TMC1: variants seen among roughly 807,000 people sequenced by gnomAD.
The protein encoded by TMC1 is transmembrane channel-like protein 1.
In TMC1, 84 loss-of-function variants were observed where a neutral mutation model predicts 105.8. The ratio of observed to expected loss-of-function variants is 0.79; its 90% CI spans 0.67 to 0.95. The LOEUF (loss-of-function observed/expected upper bound fraction) is 0.95, where lower values mean the gene tolerates loss of function less well. Among genes scored for constraint, TMC1 ranks in the 40% least tolerant of loss-of-function variants. The pLI, the probability that TMC1 is intolerant of heterozygous loss-of-function variation, is 0.00. For missense variants in TMC1, 817 were observed against 914.1 expected (o/e 0.89, Z 1.37); for synonymous variants, 315 against 311.5 (o/e 1.01, Z -0.12).
At chr9:72,636,524 C>A (rs962463846) in intron 4 of TMC1, among the ~76,000 whole-genome samples, 2 of 151,890 alleles carry the variant, frequency 1.3e-5, no homozygotes, top group African/African-American at 4.8e-5. Flanking sequence ...TGGTGAAACC[C>A]ACATGGTGAA....
At chr9:72,763,541 G>A (rs949920587) in intron 12 of TMC1, among the ~76,000 whole-genome samples, 1 of 152,342 alleles carries the variant, frequency 6.6e-6, no homozygotes, top group Middle Eastern at 3.4e-3. Flanking sequence ...CTCTGAGAAA[G>A]TAATGTTCAA....
intron 5 of TMC1, among the ~76,000 whole-genome samples, chr9:72,681,427 T>C (rs1826284460): frequency 6.6e-6 from 1 of 152,046 alleles, no homozygotes; most frequent in Non-Finnish European, 1.5e-5. Flanking sequence ...CCAAACCACA[T>C]AGAGTAAGAG....
intron 8 of TMC1, among the ~76,000 whole-genome samples, chr9:72,714,226 A>C (rs1826883282): frequency 6.6e-6 from 1 of 152,176 alleles, no homozygotes; most frequent in African/African-American, 2.4e-5. Context: ...GGTGCTGAGA[A>C]GAGTGTATAT....
chr9:72,647,673 C>G (rs1316771118), intron 4 of TMC1, among the ~76,000 whole-genome samples: 1 of 152,138 alleles, frequency 6.6e-6, no homozygotes, highest in African/African-American at 2.4e-5. Flanking sequence ...TCCATACTGC[C>G]TTGGCTATGT....
intron 2 of TMC1, among the ~76,000 whole-genome samples, chr9:72,612,574 G>A (rs12351893): frequency 0.3 from 46,141 of 151,860 alleles, 7,570 homozygotes; most frequent in African/African-American, 0.41. Context: ...ATCTCAGTGA[G>A]AAAACAGCCA....
chr9:72,736,868 C>T (rs1023077936), intron 8 of TMC1, among the ~76,000 whole-genome samples: 15 of 152,090 alleles, frequency 9.9e-5, no homozygotes, highest in Non-Finnish European at 7.3e-5. Flanking sequence ...GCACACAATA[C>T]CTAGAAATAT....
intron 12 of TMC1, among the ~76,000 whole-genome samples, chr9:72,765,549 G>A (rs1827816169): frequency 6.6e-6 from 1 of 151,064 alleles, no homozygotes; most frequent in African/African-American, 2.4e-5. Flanking sequence ...GGAGGCATGA[G>A]ATAGTGCTAT....
intron 1 of TMC1, among the ~76,000 whole-genome samples, chr9:72,546,054 G>A (rs1473175418): frequency 2.0e-5 from 3 of 151,638 alleles, no homozygotes; most frequent in African/African-American, 7.3e-5. Context: ...AGGCCGAGGT[G>A]GATGGATCAC....
chr9:72,761,540 G>A (rs1219643111), intron 12 of TMC1, among the ~76,000 whole-genome samples: 3 of 152,162 alleles, frequency 2.0e-5, no homozygotes, highest in Non-Finnish European at 2.9e-5. Context: ...ATGGGCAGGA[G>A]AGGAGACTTA....
At chr9:72,579,530 CT>C (rs2132097620) in intron 2 of TMC1, among the ~76,000 whole-genome samples, 1 of 152,296 alleles carries the variant, frequency 6.6e-6, no homozygotes, top group South Asian at 2.1e-4. Context: ...ACCGCTTTAG[CT>C]TCTAGACACA....
chr9:72,607,615 CAAAAAA>C (rs1156416280), intron 2 of TMC1, among the ~76,000 whole-genome samples: 2 of 55,150 alleles, frequency 3.6e-5, no homozygotes, highest in Admixed American at 2.2e-4. Flanking sequence ...GAGTCTGCCT[CAAAAAA>C]AAAAAAAAAA....
In TMC1 at chr9:72,807,893, A is replaced by C. The variant is rs532166261; in HGVS notation, c.1695+2383A>C. Among the ~76,000 whole-genome samples the C allele has an allele frequency of 3.9e-5, 6 of 152,200 alleles. No individual in the cohort carries two copies. The East Asian group carries it at 1.2e-3, about 29-fold the overall frequency. The stretch of plus-strand genomic sequence containing the variant: ...AATGGCTCAGGTCTCTCAGAACCAC[A>C]CTGGTGCTGACTCCATCACCAGCTT... On this transcript the variant is annotated intron_variant, in intron 18 of 23. Coordinates refer to ENST00000297784, the MANE Select transcript of TMC1 (RefSeq NM_138691.3).
intron 23 of TMC1, 36 bp from the exon 24 acceptor site, chr9:72,835,912 CTTG>C: frequency 1.4e-6 from 2 of 1,436,372 alleles, no homozygotes. Context: ...TCTCTCTCTC[CTTG>C]TTTTTTTTTT....
chr9:72,788,611 C>T (rs554709608), intron 14 of TMC1, 128 bp downstream of exon 14: 2 of 1,045,834 alleles, frequency 1.9e-6, no homozygotes, highest in African/African-American at 1.6e-5. Flanking sequence ...TTTCTGCCTA[C>T]CAAGATCTTG....
intron 1 of TMC1, among the ~76,000 whole-genome samples, chr9:72,564,671 G>A (rs1473807487): frequency 1.3e-5 from 2 of 152,292 alleles, no homozygotes; most frequent in South Asian, 2.1e-4. Flanking sequence ...ACTGGCATTT[G>A]CCTAGACATT....
At position 72,603,041 on chromosome 9, in the gene TMC1, A is replaced by G. The variant is rs866101236; in HGVS notation, c.-305-13327A>G. ...TATTGTGTATATGGAGGTGGTCTTG[A>G]GAGCTTTGTGGAGATTATTTTTTCA... On this transcript the variant is annotated intron_variant, in intron 2 of 23. Transcript: ENST00000297784. Among the ~76,000 whole-genome samples, 18 of 151,140 alleles carry G rather than the reference A, an allele frequency of 1.2e-4. No individual in the cohort carries two copies. In the Middle Eastern group the frequency reaches 0.021, roughly 173 times the overall value.
At chr9:72,635,795 C>T (rs961628846) in intron 4 of TMC1, among the ~76,000 whole-genome samples, 1 of 152,124 alleles carries the variant, frequency 6.6e-6, no homozygotes, top group African/African-American at 2.4e-5. Flanking sequence ...TAAGCAGAGC[C>T]TGTCATTAGG....
At chr9:72,523,830 A>C (rs1339884149) in intron 1 of TMC1, among the ~76,000 whole-genome samples, 2 of 152,154 alleles carry the variant, frequency 1.3e-5, no homozygotes, top group Non-Finnish European at 2.9e-5. Context: ...AAGAACAGAG[A>C]ATAAAAAAAA....
At chr9:72,600,008 G>T (rs1175088060) in intron 2 of TMC1, among the ~76,000 whole-genome samples, 2 of 152,130 alleles carry the variant, frequency 1.3e-5, no homozygotes, top group African/African-American at 2.4e-5. Flanking sequence ...AGTGATGGAA[G>T]GTGGGCTGTC....
Sources: allele counts gnomAD v4.1 joint callset (sites outside exome capture counted in the v4.1 genomes callset), GRCh38; gene constraint gnomAD v4.1.1; transcripts MANE v1.5; gene names NCBI Gene and HGNC (gene_info 2026-07-23, HGNC 2026-07-21).